The following ANKS1A variants were observed in gnomAD, a reference collection of about 807,000 sequenced individuals.
The protein encoded by ANKS1A is ankyrin repeat and SAM domain-containing protein 1A.
A neutral mutation model predicts 120.3 loss-of-function variants in ANKS1A; 55 were observed. That is an observed-to-expected ratio of 0.46 (90% CI 0.37 to 0.57). ANKS1A has a LOEUF of 0.57. Ranked by LOEUF, ANKS1A falls within the 20% of genes least tolerant of loss-of-function variation. The probability of loss-of-function intolerance (pLI) is 0.00; values close to 1 mark genes in which losing one functional copy is unlikely to be tolerated. For missense variants in ANKS1A, 1,123 were observed against 1,480.3 expected, an observed-to-expected ratio of 0.76 and a Z score of 3.96; for synonymous variants, 590 against 604.7, an observed-to-expected ratio of 0.98 and a Z score of 0.36.
At chr6:35,002,872 G>A (rs564319553) in intron 10 of ANKS1A, among the ~76,000 whole-genome samples, 2 of 151,328 alleles carry the variant, frequency 1.3e-5, no homozygotes, top group East Asian at 3.9e-4. Context: ...AAACAGTTAC[G>A]TGGTGGAGTT....
intron 10 of ANKS1A, among the ~76,000 whole-genome samples, chr6:34,996,916 C>G (rs901296519): frequency 1.1e-4 from 16 of 152,260 alleles, no homozygotes; most frequent in African/African-American, 3.6e-4. Flanking sequence ...CCAATTGTTT[C>G]TGCACAATTT....
intron 10 of ANKS1A, among the ~76,000 whole-genome samples, chr6:35,000,348 G>A (rs1773098018): frequency 6.6e-6 from 1 of 151,472 alleles, no homozygotes; most frequent in Admixed American, 6.6e-5. Flanking sequence ...AAACTAACAA[G>A]GTTTTCAACA....
chr6:34,896,691 G>A (rs1315444909), intron 1 of ANKS1A, among the ~76,000 whole-genome samples: 2 of 152,076 alleles, frequency 1.3e-5, no homozygotes, highest in African/African-American at 2.4e-5. Flanking sequence ...TAGGCCAGGC[G>A]CAGTGGCTCA....
intron 10 of ANKS1A, among the ~76,000 whole-genome samples, chr6:35,016,383 G>A (rs191839489): frequency 6.2e-4 from 94 of 152,278 alleles, no homozygotes; most frequent in African/African-American, 2.2e-3. Flanking sequence ...TTATAGAGAA[G>A]GTTAAGTTGA....
chr6:35,021,761 G>A (rs1163080208), intron 11 of ANKS1A, among the ~76,000 whole-genome samples: 1 of 151,926 alleles, frequency 6.6e-6, no homozygotes, highest in Non-Finnish European at 1.5e-5. Flanking sequence ...CAAGGCAGGT[G>A]GATTACCTGA....
rs1212273953 is a variant in ANKS1A, at chr6:35,060,116, T to G, written c.2078-31T>G. 6.3e-7 allele frequency: 1 copy of G among 1,588,558 alleles called. No homozygotes were observed. Among genetic ancestry groups the G allele is most frequent in the Admixed American group, 1.7e-5 (1 of 58,232 alleles). On this transcript the variant is annotated intron_variant, in intron 12 of 23. Coordinates refer to ENST00000360359, the MANE Select transcript of ANKS1A (RefSeq NM_015245.3). This position sits in a 1 kb window ranked among gnomAD's most constrained non-coding sequence, Gnocchi z 4.5. ...CTACCGCCTTAATGGTTTTTCCCTT[T>G]TCAAGCGTCTGCCGATTCCTCTCTC...
In ANKS1A at chr6:34,945,488, T is replaced by G. The variant is rs531630722; in HGVS notation, c.198-21751T>G. On this transcript the variant is annotated intron_variant, in intron 1 of 23. Coordinates refer to ENST00000360359, the MANE Select transcript of ANKS1A (RefSeq NM_015245.3). ...AGTACCAGTTGTTGCAAAGACCATCTTATCTCCACTGAATTGGCCTTTGCT... is the reference window on the plus strand; with the variant it reads ...AGTACCAGTTGTTGCAAAGACCATCGTATCTCCACTGAATTGGCCTTTGCT... 8.5e-5 allele frequency among the ~76,000 whole-genome samples: 13 copies of G among 152,362 alleles called. No individual in the cohort carries two copies. The East Asian group carries it at 2.5e-3, about 29-fold the overall frequency.
chr6:34,955,154 T>G (rs1770293189), intron 1 of ANKS1A, among the ~76,000 whole-genome samples: 1 of 140,212 alleles, frequency 7.1e-6, no homozygotes, highest in Non-Finnish European at 1.5e-5. Context: ...CTTTTTTTTT[T>G]GAGACAGAGT....
intron 14 of ANKS1A, among the ~76,000 whole-genome samples, chr6:35,079,133 C>G (rs1328885140): frequency 1.3e-5 from 2 of 152,210 alleles, no homozygotes; most frequent in Admixed American, 6.5e-5. Context: ...AATGCAGTGG[C>G]CCCGTCCCTT....
intron 1 of ANKS1A, among the ~76,000 whole-genome samples, chr6:34,911,620 C>T (rs1328212276): frequency 2.0e-5 from 3 of 152,156 alleles, no homozygotes; most frequent in South Asian, 2.1e-4. Flanking sequence ...ATTCTCCAGG[C>T]TTTGTGATTG....
chr6:34,974,020 TTTCCC>T (rs1297607955), intron 3 of ANKS1A, among the ~76,000 whole-genome samples: 1 of 75,502 alleles, frequency 1.3e-5, no homozygotes, highest in East Asian at 6.1e-4. Flanking sequence ...TCCTCTTCCC[TTTCCC>T]TTCCCTTCCC....
intron 10 of ANKS1A, among the ~76,000 whole-genome samples, chr6:35,001,302 A>C (rs1345782805): frequency 2.0e-5 from 3 of 152,392 alleles, no homozygotes; most frequent in African/African-American, 7.2e-5. Flanking sequence ...AAACTTTGGC[A>C]ATTAAGACAG....
chr6:34,901,794 A>G (rs192348167), intron 1 of ANKS1A, among the ~76,000 whole-genome samples: 2 of 152,294 alleles, frequency 1.3e-5, no homozygotes, highest in East Asian at 3.9e-4. Context: ...TACAGGCGTG[A>G]GCCATCACAC....
In ANKS1A at chr6:35,050,201, A is replaced by G. The variant is rs1455158102; in HGVS notation, c.2011-3898A>G. Among the ~76,000 whole-genome samples, 1 of 152,208 alleles carries G rather than the reference A, an allele frequency of 6.6e-6. No individual in the cohort carries two copies. The highest frequency in any genetic ancestry group is 1.9e-4 in the East Asian group (1 of 5,200). Reference sequence around the variant, plus strand: ...ATTTTACACAGCCCTGGCAGGGAAAAATAGTCTAAACAGAGTCGTCCTGAA... The same window carrying G: ...ATTTTACACAGCCCTGGCAGGGAAAGATAGTCTAAACAGAGTCGTCCTGAA... On this transcript the variant is annotated intron_variant, in intron 11 of 23. Coordinates refer to ENST00000360359, the MANE Select transcript of ANKS1A (RefSeq NM_015245.3). The surrounding 1 kb of genome is among the most constrained non-coding windows in gnomAD (Gnocchi z 4.3).
At chr6:35,028,685 G>A (rs1197125376) in intron 11 of ANKS1A, among the ~76,000 whole-genome samples, 4 of 152,190 alleles carry the variant, frequency 2.6e-5, no homozygotes, top group Non-Finnish European at 5.9e-5. Context: ...AAATGGTGCT[G>A]TCTCATGTGT....
chr6:35,025,747 G>A (rs1774592298), intron 11 of ANKS1A, among the ~76,000 whole-genome samples: 1 of 150,868 alleles, frequency 6.6e-6, no homozygotes, highest in Admixed American at 6.6e-5. Flanking sequence ...TTCTCTTCTA[G>A]CCTCTCAGCC....
At chr6:34,938,441 A>G (rs1581719854) in intron 1 of ANKS1A, among the ~76,000 whole-genome samples, 2 of 152,204 alleles carry the variant, frequency 1.3e-5, no homozygotes, top group Non-Finnish European at 2.9e-5. Context: ...TTATGTACAT[A>G]CACTTCTGCC....
chr6:35,083,950 C>T, intron 20 of ANKS1A, among the ~76,000 whole-genome samples, 171 bp from the exon 21 acceptor site: 1 of 152,094 alleles, frequency 6.6e-6, no homozygotes, highest in East Asian at 1.9e-4. Flanking sequence ...GACCCCAAAC[C>T]AAAATCGGGG....
rs527298136 is a variant in ANKS1A at position 34,893,337 on chromosome 6, A to G, written c.197+3738A>G. Among the ~76,000 whole-genome samples the G allele has an allele frequency of 1.0e-3, 152 of 152,196 alleles. No individual in the cohort carries two copies. In the Middle Eastern group the frequency reaches 0.034, roughly 34 times the overall value. On this transcript the variant is annotated intron_variant, in intron 1 of 23. Transcript: ENST00000360359. Reference sequence around the variant, plus strand: ...ATTTTTGTAGAGATCGTGTCCCACTATGTTGCCCAGGCTAGTCTCAAACTC... The same window carrying G: ...ATTTTTGTAGAGATCGTGTCCCACTGTGTTGCCCAGGCTAGTCTCAAACTC...
Sources: gnomAD v4.1 joint callset for allele counts (sites outside exome capture counted in the v4.1 genomes callset) on GRCh38, gnomAD v4.1.1 for gene constraint, Gnocchi (gnomAD v3.1) non-coding constraint, MANE v1.5 for transcripts, NCBI Gene and HGNC (gene_info 2026-07-23, HGNC 2026-07-21) for gene names.